BYSL: variants seen among roughly 807,000 people sequenced by gnomAD.
BYSL encodes the protein bystin like, also known as bystin.
Under a neutral mutation model 45.4 loss-of-function variants are expected in BYSL, and 21 were observed. That is an observed-to-expected ratio of 0.46 (90% CI 0.33 to 0.67). BYSL has a LOEUF of 0.67. Among genes scored for constraint, BYSL ranks in the 30% least tolerant of loss-of-function variants. BYSL has a pLI of 0.02. For synonymous variants in BYSL, 215 were observed against 231.3 expected (o/e 0.93, Z 0.64); for missense variants, 522 against 578.5 (o/e 0.90, Z 1.00).
chr6:41,921,305 G>C (rs1775461458), upstream of BYSL: 2 of 603,478 alleles, frequency 3.3e-6, no homozygotes, highest in Non-Finnish European at 5.7e-6. Flanking sequence ...CATGAAGCTA[G>C]GAGAGCGACA....
chr6:41,909,951 T>G, the BYSL span, among the ~76,000 whole-genome samples: 1 of 152,154 alleles, frequency 6.6e-6, no homozygotes, highest in African/African-American at 2.4e-5. Flanking sequence ...TGCTCCCTTC[T>G]TCTGCACACT....
In BYSL at chr6:41,921,782, G is replaced by A. The variant is rs916137368; in HGVS notation, c.220G>A (p.Gly74Arg). The change falls in exon 1 of 7, where the codon GGG becomes AGG. Residue 74 changes from glycine (G) to arginine (R), a missense_variant. Gly to Arg is a moderately radical substitution (Grantham distance 125, BLOSUM62 -2). Coordinates refer to ENST00000230340, the MANE Select transcript of BYSL (RefSeq NM_004053.4). ...QQQEELEAEH[G>R]TGDKPAAPRE... ...ACAGGAGGAACTCGAGGCCGAGCAT[G>A]GGACTGGGGACAAGCCCGCGGCGCC... 6.2e-7 allele frequency: 1 copy of A among 1,613,192 alleles called. No homozygotes were observed. The highest frequency in any genetic ancestry group is 1.3e-5 in the African/African-American group (1 of 75,028).
At chr6:41,924,554 G>A (rs1244517872) in intron 1 of BYSL, among the ~76,000 whole-genome samples, 3 of 152,168 alleles carry the variant, frequency 2.0e-5, no homozygotes, top group African/African-American at 7.2e-5. Flanking sequence ...CCAGCACCCC[G>A]AACAGTGCCT....
Position 41,931,416 on chromosome 6 carries a change from A to G in BYSL, c.725A>G (p.Lys242Arg). Residue 242 changes from lysine (K) to arginine (R), a missense_variant, in exon 5 of 7, where the codon AAG becomes AGG. By Grantham distance (26) the Lys-to-Arg change is conservative. Transcript: ENST00000230340. ...ACTAGGATTTTTGCCTCTAACCTGA[A>G]GGAACGCATGGCCCAGCGCTTCTAC... is the stretch of plus-strand genomic sequence containing the variant. ...QATRIFASNLKERMAQRFYNL... is the reference protein window; with the variant it reads ...QATRIFASNLRERMAQRFYNL... 6.2e-7 allele frequency: 1 copy of G among 1,614,084 alleles called. No individual in the cohort carries two copies. Among genetic ancestry groups the G allele is most frequent in the African/African-American group, 1.3e-5 (1 of 75,046 alleles).
intron 1 of BYSL, among the ~76,000 whole-genome samples, chr6:41,923,536 A>G (rs1456802825): frequency 6.6e-6 from 1 of 152,102 alleles, no homozygotes; most frequent in Admixed American, 6.5e-5. Context: ...ACTTCAGGTC[A>G]TCGTCCACCT....
Position 41,932,353 on chromosome 6 carries a change from C to T in BYSL, c.969-8C>T. ...TGCTTACTCTACCCCACCTCCCTTTCCCACTAGTGCGGCCATGCTGAAAAT... is the reference window on the plus strand; with the variant it reads ...TGCTTACTCTACCCCACCTCCCTTTTCCACTAGTGCGGCCATGCTGAAAAT... On this transcript the variant is annotated splice_region_variant and splice_polypyrimidine_tract_variant and intron_variant, in intron 6 of 6. Coordinates refer to ENST00000230340, the MANE Select transcript of BYSL (RefSeq NM_004053.4). The surrounding 1 kb of genome is among the most constrained non-coding windows in gnomAD (Gnocchi z 4.7). The T allele has an allele frequency of 6.2e-7, 1 of 1,604,282 alleles. No homozygotes were observed. The highest frequency in any genetic ancestry group is 8.5e-7 in the Non-Finnish European group (1 of 1,177,188).
At chr6:41,927,278 A>G in intron 1 of BYSL, 96 bp from the exon 2 acceptor site, 18 of 1,444,188 alleles carry the variant, frequency 1.2e-5, no homozygotes, top group Non-Finnish European at 1.7e-5. Flanking sequence ...TCACAACCAC[A>G]TGTGAGGCCT....
Position 41,930,622 on chromosome 6 carries a change from C to A in BYSL, c.571-13C>A, listed in dbSNP as rs773466171. 6.2e-7 allele frequency: 1 copy of A among 1,600,432 alleles called. No individual in the cohort carries two copies. The highest frequency in any genetic ancestry group is 8.5e-7 in the Non-Finnish European group (1 of 1,174,636). ...GTGGATGACGATGATTGTTTTACCTCCCTCATCCCTAGGTATTATCTAAGT... is the reference window on the plus strand; with the variant it reads ...GTGGATGACGATGATTGTTTTACCTACCTCATCCCTAGGTATTATCTAAGT... On this transcript the variant is annotated splice_polypyrimidine_tract_variant and intron_variant, in intron 3 of 6. Transcript: ENST00000230340.
At chr6:41,927,919 C>A (rs547017318) in intron 2 of BYSL, among the ~76,000 whole-genome samples, 1 of 152,136 alleles carries the variant, frequency 6.6e-6, no homozygotes, top group African/African-American at 2.4e-5. Context: ...GGTTTTTCAA[C>A]CTCAGCATTA....
In BYSL at chr6:41,930,119, C is replaced by A. The variant is rs768886100; in HGVS notation, c.432-13C>A. ...CCCCCTCTCTCCCCTCCTCTTGGCA[C>A]TTCCCCTCTTAGGCGCACCCTGGCT... On this transcript the variant is annotated splice_polypyrimidine_tract_variant and intron_variant, in intron 2 of 6. Transcript: ENST00000230340. 5 of 1,614,046 alleles carry A rather than the reference C, an allele frequency of 3.1e-6. No homozygotes were observed. The highest frequency in any genetic ancestry group is 2.2e-5 in the South Asian group (2 of 91,070).
chr6:41,923,442 G>A (rs567018235), intron 1 of BYSL, among the ~76,000 whole-genome samples: 4 of 151,988 alleles, frequency 2.6e-5, no homozygotes, highest in South Asian at 2.1e-4. Context: ...GATTACAGGC[G>A]TGAGCCATCA....
upstream of BYSL, chr6:41,917,002 C>T: frequency 4.4e-6 from 7 of 1,578,744 alleles, no homozygotes; most frequent in Non-Finnish European, 6.1e-6. Context: ...CTGAGCCATT[C>T]ACTCGCCCAC....
At chr6:41,923,330 C>G (rs1395619829) in intron 1 of BYSL, among the ~76,000 whole-genome samples, 1 of 144,734 alleles carries the variant, frequency 6.9e-6, no homozygotes, top group East Asian at 2.0e-4. Flanking sequence ...TTTTTTTGAG[C>G]CTGTCGCCCA....
chr6:41,928,903 T>C (rs1336571253), intron 2 of BYSL, among the ~76,000 whole-genome samples: 1 of 152,120 alleles, frequency 6.6e-6, no homozygotes, highest in East Asian at 1.9e-4. Flanking sequence ...GTGCCTGGCA[T>C]TGAGTAGGAC....
At chr6:41,914,077 G>A in the BYSL span, among the ~76,000 whole-genome samples, 1 of 152,160 alleles carries the variant, frequency 6.6e-6, no homozygotes, top group Non-Finnish European at 1.5e-5. Context: ...TGTATACAGG[G>A]AACAAATACA....
At chr6:41,929,279 C>T (rs1775604049) in intron 2 of BYSL, among the ~76,000 whole-genome samples, 1 of 152,202 alleles carries the variant, frequency 6.6e-6, no homozygotes. Flanking sequence ...GACGCCAAGG[C>T]AGGAGCCCAG....
chr6:41,916,792 G>C, upstream of BYSL: 1 of 1,613,924 alleles, frequency 6.2e-7, no homozygotes, highest in Non-Finnish European at 8.5e-7. Context: ...GACCTTGGCT[G>C]CCAAGGGTAG....
upstream of BYSL, chr6:41,921,473 T>C (rs1403410455): frequency 2.0e-6 from 3 of 1,467,262 alleles, no homozygotes; most frequent in African/African-American, 2.8e-5. Context: ...CCGGGCGGCC[T>C]CTTGGGCGCT....
chr6:41,911,586 A>AT, the BYSL span, among the ~76,000 whole-genome samples: 1 of 152,214 alleles, frequency 6.6e-6, no homozygotes, highest in Admixed American at 6.5e-5. Flanking sequence ...AGGAAAAAAA[A>AT]GTAGGATTTG....
Sources: gnomAD v4.1 joint callset for allele counts (sites outside exome capture counted in the v4.1 genomes callset) on GRCh38, gnomAD v4.1.1 for gene constraint, Gnocchi (gnomAD v3.1) non-coding constraint, MANE v1.5 for transcripts, NCBI Gene and HGNC (gene_info 2026-07-23, HGNC 2026-07-21) for gene names.